The following PSD3 variants were observed in gnomAD, a reference collection of about 807,000 sequenced individuals.
PSD3 encodes the protein pleckstrin and Sec7 domain containing 3.
Under a neutral mutation model 105.5 loss-of-function variants are expected in PSD3, and 49 were observed. The ratio of observed to expected loss-of-function variants is 0.46; its 90% confidence interval spans 0.37 to 0.59. The LOEUF is 0.59. Among genes scored for constraint, PSD3 ranks in the 20% least tolerant of loss-of-function variants. The pLI, the probability that PSD3 is intolerant of heterozygous loss-of-function variation, is 0.00. For missense variants in PSD3, 1,561 were observed against 1,263.8 expected, an observed-to-expected ratio of 1.24 and a Z score of -3.57; for synonymous variants, 557 against 457.8, an observed-to-expected ratio of 1.22 and a Z score of -2.77.
intron 12 of PSD3, among the ~76,000 whole-genome samples, chr8:18,586,000 G>C (rs920562018): frequency 6.6e-6 from 1 of 152,006 alleles, no homozygotes; most frequent in Non-Finnish European, 1.5e-5. Flanking sequence ...TTCCTAGGGG[G>C]ATCTGAGGAA....
At chr8:18,622,040 G>T (rs904597303) in intron 11 of PSD3, among the ~76,000 whole-genome samples, 7 of 152,076 alleles carry the variant, frequency 4.6e-5, no homozygotes, top group African/African-American at 1.7e-4. Context: ...CCTCTAAAGT[G>T]AGTGAACCTC....
chr8:18,978,287 G>A (rs1467005990), intron 1 of PSD3, among the ~76,000 whole-genome samples: 1 of 152,234 alleles, frequency 6.6e-6, no homozygotes, highest in Non-Finnish European at 1.5e-5. Context: ...CGGACTCTGA[G>A]TGAACTGGGA....
intron 1 of PSD3, among the ~76,000 whole-genome samples, chr8:18,954,084 T>C (rs1468935130): frequency 6.6e-6 from 1 of 152,134 alleles, no homozygotes; most frequent in Non-Finnish European, 1.5e-5. Context: ...ATTTAATGTA[T>C]ACACTTGCTC....
At position 18,530,179 on chromosome 8, in the gene PSD3, G is replaced by A. The variant is rs540358770; in HGVS notation, c.*5564C>T. The A allele has an allele frequency of 1.4e-4, 22 of 152,528 alleles. No homozygotes were observed. The East Asian group carries it at 4.1e-3, about 28-fold the overall frequency. 9.4% of individuals were successfully genotyped at this position (152,528 alleles called of 1,614,324 possible). ...CTGCTTTAAATATACCAAACATGCT[G>A]GTTAATAAAATTTTAGTCTCTAGTT... is the stretch of plus-strand genomic sequence containing the variant. On this transcript the variant is annotated 3_prime_UTR_variant, in exon 16 of 16. Coordinates refer to ENST00000327040, the MANE Select transcript of PSD3 (RefSeq NM_015310.4).
intron 1 of PSD3, among the ~76,000 whole-genome samples, chr8:19,008,739 C>T (rs1484114706): frequency 6.6e-6 from 1 of 152,186 alleles, no homozygotes; most frequent in African/African-American, 2.4e-5. Flanking sequence ...AACCAAGCTG[C>T]TCGATTTCTA....
At chr8:18,917,121 T>A (rs1346926601) in intron 2 of PSD3, among the ~76,000 whole-genome samples, 2 of 152,086 alleles carry the variant, frequency 1.3e-5, no homozygotes, top group Non-Finnish European at 2.9e-5. Context: ...CTCAATGCCT[T>A]CACCTTCTTT....
At chr8:18,878,859 T>C (rs1406191719) in intron 2 of PSD3, among the ~76,000 whole-genome samples, 2 of 152,154 alleles carry the variant, frequency 1.3e-5, no homozygotes, top group Non-Finnish European at 1.5e-5. Flanking sequence ...GTTTAACCCA[T>C]CATGAAGTGT....
chr8:18,677,882 T>G (rs367702269), intron 9 of PSD3, among the ~76,000 whole-genome samples: 1 of 151,490 alleles, frequency 6.6e-6, no homozygotes, highest in Admixed American at 6.6e-5. Flanking sequence ...TGGTGGCGGG[T>G]GCCTGTAGTC....
chr8:18,544,173 A>AAAAAAAAAAAAAAAAAAAAAAAC (rs1800315915), intron 15 of PSD3, among the ~76,000 whole-genome samples: 2 of 16,810 alleles, frequency 1.2e-4, no homozygotes, highest in African/African-American at 3.0e-4. Context: ...AAACAAACCA[A>AAAAAAAAAAAAAAAAAAAAAAAC]AAAAAAAAAA....
intron 1 of PSD3, among the ~76,000 whole-genome samples, chr8:18,944,623 G>A (rs1235270923): frequency 6.8e-6 from 1 of 147,326 alleles, no homozygotes; most frequent in East Asian, 2.0e-4. Context: ...AATAAATAAA[G>A]TTTAAGTCAG....
intron 1 of PSD3, among the ~76,000 whole-genome samples, chr8:18,957,336 A>G (rs1317258915): frequency 6.7e-6 from 1 of 150,148 alleles, no homozygotes; most frequent in African/African-American, 2.5e-5. Flanking sequence ...ACGTCACTGC[A>G]CTCTAGCCTG....
intron 9 of PSD3, among the ~76,000 whole-genome samples, chr8:18,749,558 C>T (rs1007808687): frequency 4.0e-5 from 6 of 150,334 alleles, no homozygotes; most frequent in Non-Finnish European, 7.4e-5. Context: ...TAAGGTTACT[C>T]ATCAACTAAC....
At chr8:18,696,013 G>A (rs920302538) in intron 9 of PSD3, among the ~76,000 whole-genome samples, 2 of 152,162 alleles carry the variant, frequency 1.3e-5, no homozygotes, top group African/African-American at 4.8e-5. Context: ...GGAATCAAGG[G>A]CACATCCAGC....
At chr8:18,818,433 T>A (rs1385948830) in intron 4 of PSD3, among the ~76,000 whole-genome samples, 1 of 152,124 alleles carries the variant, frequency 6.6e-6, no homozygotes, top group Non-Finnish European at 1.5e-5. Context: ...CCAAACTACC[T>A]GTAAGGCGAG....
intron 4 of PSD3, among the ~76,000 whole-genome samples, chr8:18,822,415 T>A (rs1484227511): frequency 6.6e-6 from 1 of 152,118 alleles, no homozygotes; most frequent in African/African-American, 2.4e-5. Flanking sequence ...CGGGAGTGTG[T>A]TCCAAGTACC....
chr8:19,013,556 A>C lies in PSD3; in HGVS notation c.21+7T>G. ...CCCCGCGCCCGCGCCCCGGCCCCGG[A>C]GCTCACCGCTGCGCTCCTTCCTTCC... On this transcript the variant is annotated splice_region_variant and intron_variant, in intron 1 of 15. Coordinates refer to ENST00000327040, the MANE Select transcript of PSD3 (RefSeq NM_015310.4). The C allele has an allele frequency of 1.3e-6, 2 of 1,565,312 alleles. No homozygotes were observed. The highest frequency in any genetic ancestry group is 1.7e-6 in the Non-Finnish European group (2 of 1,164,322).
intron 10 of PSD3, among the ~76,000 whole-genome samples, chr8:18,653,331 G>A (rs1808654659): frequency 6.6e-6 from 1 of 150,790 alleles, no homozygotes; most frequent in African/African-American, 2.5e-5. Flanking sequence ...TGTAGTCTAT[G>A]TATATGCATA....
intron 1 of PSD3, among the ~76,000 whole-genome samples, chr8:19,039,856 C>T (rs1828064381): frequency 6.6e-6 from 1 of 152,216 alleles, no homozygotes; most frequent in African/African-American, 2.4e-5. Flanking sequence ...ATGGGGCTTA[C>T]AGTCTAGTGC....
intron 15 of PSD3, among the ~76,000 whole-genome samples, chr8:18,539,783 T>C (rs930704812): frequency 6.6e-6 from 1 of 152,016 alleles, no homozygotes; most frequent in African/African-American, 2.4e-5. Context: ...CCTGACCTCA[T>C]GATCCGCCTG....
Sources: allele counts gnomAD v4.1 joint callset (sites outside exome capture counted in the v4.1 genomes callset), GRCh38; gene constraint gnomAD v4.1.1; transcripts MANE v1.5; gene names NCBI Gene and HGNC (gene_info 2026-07-23, HGNC 2026-07-21).